Variants in ADAMTSL1 observed in about 807,000 individuals in gnomAD.
ADAMTSL1 encodes ADAMTS-like protein 1.
A neutral mutation model predicts 201.8 loss-of-function variants in ADAMTSL1; 126 were observed. That is an observed-to-expected ratio of 0.62 (90% CI 0.54 to 0.72). The LOEUF (loss-of-function observed/expected upper bound fraction) is 0.72. Among genes scored for constraint, ADAMTSL1 ranks in the 30% least tolerant of loss-of-function variants. The pLI, the probability that ADAMTSL1 is intolerant of heterozygous loss-of-function variation, is 0.00. For synonymous variants in ADAMTSL1, 1,121 were observed against 903.4 expected (o/e 1.24, Z -4.32); for missense variants, 2,679 against 2,277.8 (o/e 1.18, Z -3.59).
At chr9:18,395,665 C>G (rs528768210) in intron 2 of ADAMTSL1, among the ~76,000 whole-genome samples, 2 of 152,262 alleles carry the variant, frequency 1.3e-5, no homozygotes, top group South Asian at 2.1e-4. Context: ...CTGTACAGGT[C>G]TATCATCCTT....
intron 14 of ADAMTSL1, among the ~76,000 whole-genome samples, chr9:18,717,028 T>C (rs1367675310): frequency 3.5e-5 from 5 of 143,470 alleles, no homozygotes; most frequent in East Asian, 2.0e-4. Context: ...TAGGTGGGAA[T>C]TGAACAATGA....
intron 1 of ADAMTSL1, among the ~76,000 whole-genome samples, chr9:18,022,185 C>G (rs1186301986): frequency 2.6e-5 from 4 of 152,084 alleles, no homozygotes; most frequent in African/African-American, 7.2e-5. Flanking sequence ...TCTGTGGCCC[C>G]AAGGGAAAGA....
At chr9:18,716,270 C>G (rs1312793548) in intron 14 of ADAMTSL1, among the ~76,000 whole-genome samples, 1 of 151,826 alleles carries the variant, frequency 6.6e-6, no homozygotes, top group Non-Finnish European at 1.5e-5. Flanking sequence ...TTCTGCACAG[C>G]AAAAGAAACT....
chr9:18,059,220 T>G (rs1297817456), intron 1 of ADAMTSL1, among the ~76,000 whole-genome samples: 1 of 152,214 alleles, frequency 6.6e-6, no homozygotes. Context: ...AGTAAGTTAC[T>G]TTCACTATCG....
At chr9:18,686,769 C>G (rs566341588) in intron 13 of ADAMTSL1, among the ~76,000 whole-genome samples, 2 of 152,186 alleles carry the variant, frequency 1.3e-5, no homozygotes, top group East Asian at 1.9e-4. Flanking sequence ...AAGCATCTTC[C>G]CATTATTAGA....
chr9:18,460,305 G>C (rs1820760358), intron 2 of ADAMTSL1, among the ~76,000 whole-genome samples: 1 of 152,084 alleles, frequency 6.6e-6, no homozygotes, highest in Admixed American at 6.6e-5. Flanking sequence ...GATTTTCGAG[G>C]ACTTGCCCAA....
chr9:18,894,531 A>G (rs146983076), intron 26 of ADAMTSL1, among the ~76,000 whole-genome samples: 1 of 152,218 alleles, frequency 6.6e-6, no homozygotes, highest in Non-Finnish European at 1.5e-5. Context: ...CATGGCTTCC[A>G]TGATCCATTG....
intron 16 of ADAMTSL1, among the ~76,000 whole-genome samples, chr9:18,762,219 G>A (rs528461928): frequency 1.2e-4 from 18 of 152,266 alleles, no homozygotes; most frequent in South Asian, 6.2e-4. Flanking sequence ...GAGGAAAATA[G>A]CGGGCACATA....
chr9:18,665,233 G>T (rs999641687), intron 9 of ADAMTSL1, among the ~76,000 whole-genome samples: 1 of 152,040 alleles, frequency 6.6e-6, no homozygotes, highest in Non-Finnish European at 1.5e-5. Flanking sequence ...GCTACCAGTA[G>T]CCATAATCCC....
chr9:18,829,954 A>G lies in ADAMTSL1; in HGVS notation c.4226A>G (p.Asp1409Gly), dbSNP rs41304755. ...CCTCTGGGAACACAGCTGGTCCTGG[A>G]TCCTGGGAATTCTGCTCTCCTTGGT... Reference protein sequence around the residue: ...TSPLGTQLVLDPGNSALLGCP... With the variant: ...TSPLGTQLVLGPGNSALLGCP... The change falls in exon 23 of 29, where the codon GAT becomes GGT. Residue 1409 changes from aspartate to glycine, a missense_variant. Coordinates refer to ENST00000380548, the MANE Select transcript of ADAMTSL1 (RefSeq NM_001040272.6). 352,217 of 1,612,006 alleles carry G rather than the reference A, an allele frequency of 0.22. 41,835 individuals carry two copies. The highest frequency in any genetic ancestry group is 0.26 in the Middle Eastern group (1,569 of 6,062).
intron 23 of ADAMTSL1, among the ~76,000 whole-genome samples, chr9:18,860,082 G>C (rs1827115076): frequency 6.6e-6 from 1 of 152,208 alleles, no homozygotes; most frequent in African/African-American, 2.4e-5. Context: ...GGACTTGAGG[G>C]ATTTTTGAAT....
At chr9:18,549,726 G>A (rs1372377267) in intron 3 of ADAMTSL1, among the ~76,000 whole-genome samples, 2 of 151,936 alleles carry the variant, frequency 1.3e-5, no homozygotes, top group African/African-American at 4.8e-5. Flanking sequence ...GTTACTTTCT[G>A]GAGGAAGCAA....
intron 16 of ADAMTSL1, among the ~76,000 whole-genome samples, chr9:18,767,950 G>C (rs1160599723): frequency 6.6e-6 from 1 of 152,226 alleles, no homozygotes; most frequent in Non-Finnish European, 1.5e-5. Context: ...GGTAGGACTT[G>C]TAATGAGTAA....
chr9:17,972,721 T>G (rs1818263289), intron 1 of ADAMTSL1, among the ~76,000 whole-genome samples: 1 of 150,600 alleles, frequency 6.6e-6, no homozygotes, highest in East Asian at 2.0e-4. Context: ...TAGTTCTAGA[T>G]CCCTGAGGAA....
intron 7 of ADAMTSL1, among the ~76,000 whole-genome samples, chr9:18,651,720 A>AT (rs1477724679): frequency 2.6e-5 from 4 of 152,148 alleles, no homozygotes; most frequent in Non-Finnish European, 5.9e-5. Context: ...AAACTTTGCG[A>AT]TTTCTGCTTG....
chr9:18,142,967 C>T (rs1826464191), intron 1 of ADAMTSL1, among the ~76,000 whole-genome samples: 1 of 152,114 alleles, frequency 6.6e-6, no homozygotes, highest in African/African-American at 2.4e-5. Context: ...AACTAGTGTA[C>T]ATGAAACACT....
At chr9:18,075,785 G>A (rs2131749551) in intron 1 of ADAMTSL1, among the ~76,000 whole-genome samples, 1 of 152,260 alleles carries the variant, frequency 6.6e-6, no homozygotes, top group South Asian at 2.1e-4. Context: ...CAGGCTTTGG[G>A]GCATTTCCAA....
intron 4 of ADAMTSL1, among the ~76,000 whole-genome samples, chr9:18,592,674 T>A (rs1433996693): frequency 6.6e-6 from 1 of 152,212 alleles, no homozygotes; most frequent in Non-Finnish European, 1.5e-5. Flanking sequence ...AGTTTTGTTC[T>A]TTTTGCTCAG....
chr9:18,517,037 A>G (rs1818400594), intron 2 of ADAMTSL1, among the ~76,000 whole-genome samples: 1 of 152,212 alleles, frequency 6.6e-6, no homozygotes, highest in Non-Finnish European at 1.5e-5. Context: ...TTAGAGTCCT[A>G]GAGTTTCATA....
Sources: gnomAD v4.1 joint callset for allele counts (sites outside exome capture counted in the v4.1 genomes callset) on GRCh38, gnomAD v4.1.1 for gene constraint, MANE v1.5 for transcripts, NCBI Gene and HGNC (gene_info 2026-07-23, HGNC 2026-07-21) for gene names.